Variants in SYT9 observed in about 807,000 individuals in gnomAD.
SYT9 encodes the protein synaptotagmin-9.
SYT9 carries 22 observed loss-of-function variants against 48.4 expected under a neutral mutation model. The ratio of observed to expected loss-of-function variants is 0.45; its 90% confidence interval spans 0.32 to 0.65. The LOEUF (loss-of-function observed/expected upper bound fraction) is 0.65, where lower values mean the gene tolerates loss of function less well. Among genes scored for constraint, SYT9 ranks in the 30% least tolerant of loss-of-function variants. The pLI is 0.03. For synonymous variants in SYT9, 265 were observed against 245.0 expected (o/e 1.08, Z -0.76); for missense variants, 577 against 622.0 (o/e 0.93, Z 0.77).
chr11:7,449,686 C>T (rs967351817), intron 6 of SYT9, among the ~76,000 whole-genome samples: 11 of 152,108 alleles, frequency 7.2e-5, no homozygotes, highest in Non-Finnish European at 2.9e-5. Context: ...GGTTTGATCT[C>T]AAGGGGCAAA....
intron 6 of SYT9, among the ~76,000 whole-genome samples, chr11:7,465,215 C>T (rs1276996372): frequency 6.6e-6 from 1 of 152,146 alleles, no homozygotes; most frequent in Non-Finnish European, 1.5e-5. Context: ...GAAACAAAGA[C>T]CCCTTTCCCA....
intron 3 of SYT9, among the ~76,000 whole-genome samples, chr11:7,329,323 T>G (rs755871414): frequency 6.6e-6 from 1 of 152,234 alleles, no homozygotes; most frequent in Non-Finnish European, 1.5e-5. Flanking sequence ...AATAATTTCT[T>G]GAATTTCTCA....
chr11:7,318,013 A>G (rs539036323), intron 3 of SYT9, among the ~76,000 whole-genome samples: 1 of 152,304 alleles, frequency 6.6e-6, no homozygotes, highest in East Asian at 1.9e-4. Flanking sequence ...TATGAAGTCT[A>G]TTGATTAATT....
intron 6 of SYT9, among the ~76,000 whole-genome samples, chr11:7,463,518 T>C (rs1272430531): frequency 2.6e-4 from 39 of 152,346 alleles, no homozygotes; most frequent in Non-Finnish European, 1.5e-5. Context: ...CAGCAAAATT[T>C]ACTCATGTCT....
chr11:7,444,516 A>G (rs1160199388), intron 6 of SYT9: 1 of 152,172 alleles, frequency 6.6e-6, no homozygotes, highest in African/African-American at 2.4e-5. Flanking sequence ...TTATCTACAC[A>G]CTTAACCATC....
At chr11:7,383,081 T>G (rs1850596211) in intron 3 of SYT9, among the ~76,000 whole-genome samples, 1 of 152,210 alleles carries the variant, frequency 6.6e-6, no homozygotes, top group African/African-American at 2.4e-5. Flanking sequence ...GGGGAAAATA[T>G]CAGGAATAGA....
intron 1 of SYT9, among the ~76,000 whole-genome samples, chr11:7,297,018 A>G (rs1187397883): frequency 1.3e-5 from 2 of 151,012 alleles, no homozygotes; most frequent in East Asian, 1.9e-4. Flanking sequence ...CACACACACA[A>G]TCATCTGAGG....
intron 6 of SYT9, among the ~76,000 whole-genome samples, chr11:7,464,316 T>C (rs998193450): frequency 1.3e-5 from 2 of 152,210 alleles, no homozygotes; most frequent in Non-Finnish European, 2.9e-5. Context: ...CTCATCTGGC[T>C]AGATTTAGGG....
chr11:7,425,821 G>A (rs1319285635), intron 6 of SYT9, among the ~76,000 whole-genome samples: 2 of 152,180 alleles, frequency 1.3e-5, no homozygotes, highest in African/African-American at 4.8e-5. Flanking sequence ...AGGGCTACAT[G>A]CTGCTGCAAT....
At position 7,277,907 on chromosome 11, in the gene SYT9, G is replaced by A. The variant is rs539857588; in HGVS notation, c.146-25132G>A. ...TAGGAATGCTCCATGTAATGTAGATGGCAGAGAAAATGAAGTGTGCCAGTC... is the reference window on the plus strand; with the variant it reads ...TAGGAATGCTCCATGTAATGTAGATAGCAGAGAAAATGAAGTGTGCCAGTC... On this transcript the variant is annotated intron_variant, in intron 1 of 6. Transcript: ENST00000318881. Among the ~76,000 whole-genome samples the A allele has an allele frequency of 6.2e-4, 94 of 152,326 alleles. No individual in the cohort carries two copies. In the South Asian group the frequency reaches 8.5e-3, roughly 14 times the overall value.
intron 6 of SYT9, chr11:7,441,108 G>C (rs147599115): frequency 1.3e-5 from 2 of 152,314 alleles, no homozygotes; most frequent in African/African-American, 2.4e-5. Context: ...CAGCCTTGTA[G>C]ATATAACTGG....
At chr11:7,409,487 A>G (rs1847091195) in intron 3 of SYT9, among the ~76,000 whole-genome samples, 1 of 152,118 alleles carries the variant, frequency 6.6e-6, no homozygotes, top group Non-Finnish European at 1.5e-5. Flanking sequence ...TCAGCTGTTC[A>G]TCCATCCAGT....
chr11:7,459,165 G>A (rs1242424313), intron 6 of SYT9, among the ~76,000 whole-genome samples: 1 of 152,262 alleles, frequency 6.6e-6, no homozygotes, highest in Admixed American at 6.5e-5. Context: ...CTGCCATTAA[G>A]TGAGCTCAGG....
At chr11:7,320,885 A>G (rs1158145196) in intron 3 of SYT9, among the ~76,000 whole-genome samples, 2 of 152,238 alleles carry the variant, frequency 1.3e-5, no homozygotes, top group Non-Finnish European at 2.9e-5. Flanking sequence ...AGAAGACAGC[A>G]TCAAGGGGGA....
chr11:7,437,286 G>GAGCA (rs1847729288), intron 6 of SYT9, among the ~76,000 whole-genome samples: 1 of 152,198 alleles, frequency 6.6e-6, no homozygotes, highest in South Asian at 2.1e-4. Context: ...ACATGGAAGG[G>GAGCA]AGCAGTGTGC....
intron 2 of SYT9, among the ~76,000 whole-genome samples, chr11:7,304,208 G>A (rs1234129959): frequency 6.6e-6 from 1 of 152,168 alleles, no homozygotes; most frequent in Admixed American, 6.5e-5. Flanking sequence ...CACAGGTCTG[G>A]CACCTGGTAA....
At chr11:7,334,535 T>G (rs1213845663) in intron 3 of SYT9, among the ~76,000 whole-genome samples, 1 of 151,776 alleles carries the variant, frequency 6.6e-6, no homozygotes, top group Non-Finnish European at 1.5e-5. Context: ...GACATATATA[T>G]ACATTTGTGA....
chr11:7,376,594 T>C (rs980125498), intron 3 of SYT9, among the ~76,000 whole-genome samples: 2 of 152,058 alleles, frequency 1.3e-5, no homozygotes, highest in African/African-American at 4.8e-5. Context: ...TCTCAGCACA[T>C]GGAATGACCT....
intron 3 of SYT9, among the ~76,000 whole-genome samples, chr11:7,403,835 A>C (rs6578859): frequency 0.18 from 28,072 of 152,044 alleles, 3,709 homozygotes; most frequent in African/African-American, 0.37. Context: ...TAGTTAGGCC[A>C]AGTGAGCTGA....
Sources: gnomAD v4.1 joint callset for allele counts (sites outside exome capture counted in the v4.1 genomes callset) on GRCh38, gnomAD v4.1.1 for gene constraint, MANE v1.5 for transcripts, NCBI Gene and HGNC (gene_info 2026-07-23, HGNC 2026-07-21) for gene names.